The following PPP2R2C variants were observed in gnomAD, a reference collection of about 807,000 sequenced individuals.
The protein encoded by PPP2R2C is protein phosphatase 2, regulatory subunit B, gamma.
In PPP2R2C, 10 loss-of-function variants were observed where a neutral mutation model predicts 45.3. The observed-to-expected ratio is 0.22, with a 90% CI of 0.14 to 0.37. PPP2R2C has a LOEUF of 0.37. PPP2R2C is among the 10% of genes least tolerant of loss of function. PPP2R2C has a pLI of 1.00. For synonymous variants in PPP2R2C, 257 were observed against 245.4 expected (o/e 1.05, Z -0.44); for missense variants, 308 against 619.7 (o/e 0.50, Z 5.34).
At chr4:6,391,376 T>A (rs917518445) in intron 1 of PPP2R2C, among the ~76,000 whole-genome samples, 1 of 152,196 alleles carries the variant, frequency 6.6e-6, no homozygotes, top group African/African-American at 2.4e-5. Flanking sequence ...TGGCAGGCGC[T>A]GTGCAGGGAA....
chr4:6,444,073 A>G (rs1720298145), intron 1 of PPP2R2C, among the ~76,000 whole-genome samples: 1 of 152,176 alleles, frequency 6.6e-6, no homozygotes, highest in Non-Finnish European at 1.5e-5. Flanking sequence ...TGGGAACCCA[A>G]ACAGGTCCAA....
intron 1 of PPP2R2C, among the ~76,000 whole-genome samples, chr4:6,431,668 A>C (rs1719629766): frequency 6.6e-6 from 1 of 151,894 alleles, no homozygotes; most frequent in Non-Finnish European, 1.5e-5. Context: ...TCCTTGATAA[A>C]CCACTTATAC....
chr4:6,378,523 A>T lies in PPP2R2C; in HGVS notation c.218T>A (p.Phe73Tyr). The T allele has an allele frequency of 6.2e-7, 1 of 1,614,072 alleles. No individual in the cohort carries two copies. The highest frequency in any genetic ancestry group is 8.5e-7 in the Non-Finnish European group (1 of 1,180,022). Reference sequence around the variant, plus strand: ...GTCAAACTCCGGCTCGTGGCTCTGGAAAGTGCTGTACACGTCGTATTCGCC... The same window carrying T: ...GTCAAACTCCGGCTCGTGGCTCTGGTAAGTGCTGTACACGTCGTATTCGCC... ...SQGEYDVYST[F>Y]QSHEPEFDYL... Residue 73 changes from phenylalanine (F) to tyrosine (Y), a missense_variant, in exon 3 of 9, where the codon TTC (phenylalanine) becomes TAC (tyrosine). Coordinates refer to ENST00000382599, the MANE Select transcript of PPP2R2C (RefSeq NM_020416.4). This position sits in a 1 kb window ranked among gnomAD's most constrained non-coding sequence, Gnocchi z 5.2.
chr4:6,394,385 A>G (rs1167277522), intron 1 of PPP2R2C, among the ~76,000 whole-genome samples: 2 of 152,266 alleles, frequency 1.3e-5, no homozygotes, highest in Non-Finnish European at 2.9e-5. Flanking sequence ...AATTGTTGCT[A>G]TAATTATTGC....
rs184156108 is a variant in PPP2R2C at position 6,513,367 on chromosome 4, T to C, written c.49+21904A>G. ...TTCAAGGAGCAGTGGTGCTGGTGCA[T>C]GGAGAGGAAGCCATGGTCTCTGGGC... is the stretch of plus-strand genomic sequence containing the variant. On this transcript the variant is annotated intron_variant, in intron 2 of 9. Transcript: ENST00000506140. Among the ~76,000 whole-genome samples the C allele has an allele frequency of 2.7e-3, 407 of 152,216 alleles. 2 individuals carry two copies. Among genetic ancestry groups the C allele is most frequent in the African/African-American group, 9.0e-3 (374 of 41,526 alleles).
chr4:6,334,597 C>A (rs963555436), intron 6 of PPP2R2C, among the ~76,000 whole-genome samples: 1 of 152,082 alleles, frequency 6.6e-6, no homozygotes, highest in Non-Finnish European at 1.5e-5. Context: ...GCTGAAGTAG[C>A]GTGGGGACTA....
At chr4:6,339,439 A>C (rs534286027) in intron 6 of PPP2R2C, among the ~76,000 whole-genome samples, 2 of 152,326 alleles carry the variant, frequency 1.3e-5, no homozygotes, top group Admixed American at 1.3e-4. Context: ...GTTCCACTGC[A>C]GTTTCCAGGC....
rs559343530 is a variant in PPP2R2C, at chr4:6,354,539, T to A, written c.626-6529A>T. Among the ~76,000 whole-genome samples the A allele has an allele frequency of 4.4e-4, 67 of 152,018 alleles. 1 individual carries two copies. The highest frequency in any genetic ancestry group is 1.6e-3 in the African/African-American group (67 of 41,442). On this transcript the variant is annotated intron_variant, in intron 5 of 8. Transcript: ENST00000382599. Reference sequence around the variant, plus strand: ...CTGCCCAGAGCTGGTGCCTGGGACATGTTCGCTGCATGACTGATCCGTGGG... The same window carrying A: ...CTGCCCAGAGCTGGTGCCTGGGACAAGTTCGCTGCATGACTGATCCGTGGG...
At chr4:6,428,502 G>T (rs1251274385) in intron 1 of PPP2R2C, among the ~76,000 whole-genome samples, 2 of 152,236 alleles carry the variant, frequency 1.3e-5, no homozygotes, top group Non-Finnish European at 2.9e-5. Flanking sequence ...ACAGGAGACA[G>T]GGAAGAAACC....
chr4:6,472,455 G>A lies in PPP2R2C; in HGVS notation c.-226C>T. 1 of 376,976 alleles carries A rather than the reference G, an allele frequency of 2.7e-6. No individual in the cohort carries two copies. The highest frequency in any genetic ancestry group is 3.6e-6 in the Non-Finnish European group (1 of 276,854). 23.4% of individuals were successfully genotyped at this position (376,976 alleles called of 1,614,324 possible). A position where few individuals can be genotyped will look rare whatever the true frequency, so the allele number is the denominator to read the frequency against. On this transcript the variant is annotated 5_prime_UTR_variant, in exon 1 of 9. Transcript: ENST00000382599. ...GGGCGGGCGGCGGCCGCGGGTTCGG[G>A]CGGGCCGGGGCCCAGGCGCGCATCC...
intron 1 of PPP2R2C, among the ~76,000 whole-genome samples, chr4:6,411,343 C>T (rs1022034594): frequency 2.0e-5 from 3 of 152,098 alleles, no homozygotes; most frequent in Non-Finnish European, 4.4e-5. Context: ...CCTCACAGGG[C>T]TGGAATGAAT....
At chr4:6,408,625 T>G (rs1348472593) in intron 1 of PPP2R2C, among the ~76,000 whole-genome samples, 1 of 152,182 alleles carries the variant, frequency 6.6e-6, no homozygotes, top group Non-Finnish European at 1.5e-5. Context: ...GCAATTACAG[T>G]GGGCTTGATT....
intron 1 of PPP2R2C, among the ~76,000 whole-genome samples, chr4:6,396,599 G>GT (rs1717049429): frequency 1.3e-5 from 2 of 152,356 alleles, no homozygotes; most frequent in South Asian, 4.1e-4. Flanking sequence ...TCACACTTGC[G>GT]TATCACACTC....
At chr4:6,510,993 A>AAAAAAAAAAAAAAAAAAAAAAAAG (rs1186247901) in intron 2 of PPP2R2C, among the ~76,000 whole-genome samples, 1 of 74,752 alleles carries the variant, frequency 1.3e-5, no homozygotes, top group Non-Finnish European at 3.2e-5. Context: ...AAAAAAACAA[A>AAAAAAAAAAAAAAAAAAAAAAAAG]CAAACAAAAA....
In PPP2R2C at chr4:6,400,747, C is replaced by T. The variant is rs78331252; in HGVS notation, c.71-19653G>A. Among the ~76,000 whole-genome samples, 357 of 152,364 alleles carry T rather than the reference C, an allele frequency of 2.3e-3. 2 individuals carry two copies. The highest frequency in any genetic ancestry group is 8.2e-3 in the African/African-American group (341 of 41,590). On this transcript the variant is annotated intron_variant, in intron 1 of 8. Transcript: ENST00000382599. Reference sequence around the variant, plus strand: ...GTTCTAAGGCTTATGCCATTCATCACAAGATGCCTAGAGCTCAAAGGAGAA... The same window carrying T: ...GTTCTAAGGCTTATGCCATTCATCATAAGATGCCTAGAGCTCAAAGGAGAA...
intron 5 of PPP2R2C, among the ~76,000 whole-genome samples, chr4:6,351,716 C>A (rs1267917208): frequency 6.6e-6 from 1 of 152,174 alleles, no homozygotes; most frequent in African/African-American, 2.4e-5. Context: ...AACAGGGTCC[C>A]CACGGTAAGA....
chr4:6,438,094 A>G (rs753858245), intron 1 of PPP2R2C, among the ~76,000 whole-genome samples: 1 of 152,090 alleles, frequency 6.6e-6, no homozygotes, highest in Non-Finnish European at 1.5e-5. Flanking sequence ...GTCCTTTTTC[A>G]TATCAGGCAA....
At chr4:6,526,193 A>C (rs1204494362) in intron 2 of PPP2R2C, among the ~76,000 whole-genome samples, 1 of 152,248 alleles carries the variant, frequency 6.6e-6, no homozygotes, top group Non-Finnish European at 1.5e-5. Flanking sequence ...GCTTATGACA[A>C]ATGCACACAC....
At chr4:6,493,078 G>A (rs560167846) in intron 2 of PPP2R2C, among the ~76,000 whole-genome samples, 55 of 151,894 alleles carry the variant, frequency 3.6e-4, no homozygotes, top group Non-Finnish European at 7.2e-4. Context: ...CCTCCCCTGG[G>A]CCATTCTTCC....
Sources: allele counts gnomAD v4.1 joint callset (sites outside exome capture counted in the v4.1 genomes callset), GRCh38; gene constraint gnomAD v4.1.1; non-coding constraint Gnocchi (gnomAD v3.1); transcripts MANE v1.5; gene names NCBI Gene and HGNC (gene_info 2026-07-23, HGNC 2026-07-21).